IGF1: variants seen among roughly 807,000 people sequenced by gnomAD.
IGF1 encodes the protein insulin like growth factor 1.
IGF1 carries 4 observed loss-of-function variants against 13.8 expected under a neutral mutation model. The observed-to-expected ratio is 0.29, with a 90% CI of 0.14 to 0.66. The LOEUF (loss-of-function observed/expected upper bound fraction) is 0.66, where lower values mean the gene tolerates loss of function less well. Ranked by LOEUF, IGF1 falls within the 30% of genes least tolerant of loss-of-function variation. The pLI, the probability that IGF1 is intolerant of heterozygous loss-of-function variation, is 0.78. For missense variants in IGF1, 124 were observed against 188.5 expected (o/e 0.66, Z 2.00); for synonymous variants, 76 against 72.6 (o/e 1.05, Z -0.23).
At position 102,401,292 on chromosome 12, in the gene IGF1, C is replaced by T. The variant is rs1215086533; in HGVS notation, c.*1215G>A. ...AGGTCACACAGTGGTGAGTCCATGACACAGCTGGCAGATGTTCATTTCTTC... is the reference window on the plus strand; with the variant it reads ...AGGTCACACAGTGGTGAGTCCATGATACAGCTGGCAGATGTTCATTTCTTC... On this transcript the variant is annotated 3_prime_UTR_variant, in exon 4 of 4. Transcript: ENST00000337514. 3.3e-5 allele frequency: 5 copies of T among 153,200 alleles called. No homozygotes were observed. The highest frequency in any genetic ancestry group is 2.6e-4 in the Admixed American group (4 of 15,294). 9.5% of individuals were successfully genotyped at this position (153,200 alleles called of 1,614,324 possible).
chr12:102,433,039 C>T (rs1465192371), intron 2 of IGF1, among the ~76,000 whole-genome samples: 1 of 152,154 alleles, frequency 6.6e-6, no homozygotes, highest in Non-Finnish European at 1.5e-5. Flanking sequence ...TCCTAAATAA[C>T]AAAGGCTCTG....
intron 2 of IGF1, among the ~76,000 whole-genome samples, chr12:102,441,953 T>TTCTTCTTCTTCTTCTTCTTCTTTTC (rs1555244154): frequency 7.1e-6 from 1 of 140,222 alleles, no homozygotes; most frequent in Non-Finnish European, 1.6e-5. Flanking sequence ...CTTCTTCTTC[T>TTCTTCTTCTTCTTCTTCTTCTTTTC]TCTTTTTTTT....
chr12:102,480,467 G>C lies in IGF1; in HGVS notation c.-86C>G, dbSNP rs1881336077. 1.2e-6 allele frequency: 2 copies of C among 1,601,434 alleles called. No homozygotes were observed. Among genetic ancestry groups the C allele is most frequent in the South Asian group, 1.1e-5 (1 of 89,986 alleles). On this transcript the variant is annotated 5_prime_UTR_variant, in exon 1 of 4. Coordinates refer to ENST00000337514, the MANE Select transcript of IGF1 (RefSeq NM_000618.5). ...AATCCAGAGAGATGGGAGATGTTGA[G>C]AGCAATGTCACATTTCAATTTTGAG...
Position 102,455,159 on chromosome 12 carries a change from G to A in IGF1, c.220+20484C>T, listed in dbSNP as rs575004447. On this transcript the variant is annotated intron_variant, in intron 2 of 3. Transcript: ENST00000337514. ...ATTTTGACTTTTTAGAAGAACTAAG[G>A]GTTCAGGTTTCACAAGAATGATCCT... Among the ~76,000 whole-genome samples the A allele has an allele frequency of 2.6e-5, 4 of 152,186 alleles. No individual in the cohort carries two copies. In the East Asian group the frequency reaches 7.7e-4, roughly 29 times the overall value.
intron 3 of IGF1, among the ~76,000 whole-genome samples, chr12:102,415,499 G>T (rs1034427464): frequency 1.4e-5 from 2 of 143,940 alleles, no homozygotes; most frequent in African/African-American, 5.1e-5. Context: ...TAGTTTGCTA[G>T]TTAAGCATTC....
chr12:102,466,227 G>A (rs1467752309), intron 2 of IGF1, among the ~76,000 whole-genome samples: 1 of 152,148 alleles, frequency 6.6e-6, no homozygotes, highest in Non-Finnish European at 1.5e-5. Context: ...CTTGCTCCAG[G>A]CAATGGACCA....
chr12:102,435,084 T>C (rs879556781), intron 2 of IGF1, among the ~76,000 whole-genome samples: 6 of 152,246 alleles, frequency 3.9e-5, no homozygotes, highest in African/African-American at 7.2e-5. Context: ...ATTTACATTA[T>C]ATTAGATGTT....
intron 2 of IGF1, among the ~76,000 whole-genome samples, chr12:102,442,059 C>T (rs886939640): frequency 6.6e-6 from 1 of 151,546 alleles, no homozygotes; most frequent in African/African-American, 2.4e-5. Context: ...AAGAGATCCT[C>T]CCACCTCAGC....
At chr12:102,406,097 G>T (rs1043491904) in intron 3 of IGF1, among the ~76,000 whole-genome samples, 1 of 152,198 alleles carries the variant, frequency 6.6e-6, no homozygotes, top group Non-Finnish European at 1.5e-5. Context: ...ATGCACACAC[G>T]TGCACGGTGG....
At chr12:102,419,147 T>C (rs1875438019) in intron 3 of IGF1, among the ~76,000 whole-genome samples, 1 of 152,184 alleles carries the variant, frequency 6.6e-6, no homozygotes. Flanking sequence ...GTGGTAGATA[T>C]TATTATTATC....
In IGF1 at chr12:102,399,779, T is replaced by C. The variant is rs1873526657; in HGVS notation, c.*2728A>G. 1 of 152,182 alleles carries C rather than the reference T, an allele frequency of 6.6e-6. No individual in the cohort carries two copies. Among genetic ancestry groups the C allele is most frequent in the African/African-American group, 2.4e-5 (1 of 41,454 alleles). 9.4% of individuals were successfully genotyped at this position (152,182 alleles called of 1,614,324 possible). On this transcript the variant is annotated 3_prime_UTR_variant, in exon 4 of 4. Coordinates refer to ENST00000337514, the MANE Select transcript of IGF1 (RefSeq NM_000618.5). Reference sequence around the variant, plus strand: ...CTCTTAGAATTATCACATCTAACTATGACAGAAAACACGTTAAGTCTGCAG... The same window carrying C: ...CTCTTAGAATTATCACATCTAACTACGACAGAAAACACGTTAAGTCTGCAG...
chr12:102,435,600 AG>A (rs1272602199), intron 2 of IGF1, among the ~76,000 whole-genome samples: 1 of 152,182 alleles, frequency 6.6e-6, no homozygotes, highest in African/African-American at 2.4e-5. Context: ...GAAAAAACTG[AG>A]AGTTTAAGTG....
At chr12:102,466,801 G>A (rs1421437120) in intron 2 of IGF1, among the ~76,000 whole-genome samples, 1 of 152,140 alleles carries the variant, frequency 6.6e-6, no homozygotes, top group Non-Finnish European at 1.5e-5. Flanking sequence ...TACTGGGGAG[G>A]CTGAGGTGGT....
intron 2 of IGF1, chr12:102,463,602 C>G (rs564462349): frequency 6.6e-6 from 1 of 152,070 alleles, no homozygotes; most frequent in Non-Finnish European, 1.5e-5. Flanking sequence ...TGATGTTATC[C>G]GATGGATGGT....
chr12:102,411,013 A>T (rs567535426), intron 3 of IGF1, among the ~76,000 whole-genome samples: 5 of 152,308 alleles, frequency 3.3e-5, no homozygotes, highest in East Asian at 3.9e-4. Context: ...ATACAGTTTT[A>T]AAAAAATCAG....
intron 2 of IGF1, among the ~76,000 whole-genome samples, chr12:102,439,768 C>T (rs1432824397): frequency 6.6e-6 from 1 of 150,454 alleles, no homozygotes; most frequent in East Asian, 1.9e-4. Context: ...TAAGATCTAG[C>T]CCAAAAAAGA....
At position 102,399,474 on chromosome 12, in the gene IGF1, G is replaced by A. The variant is rs1200994151; in HGVS notation, c.*3033C>T. ...TAAAGTTTTGGGTTGTGACATTTTG[G>A]TTGCTCCTTTCTATGAAATCTGAGT... On this transcript the variant is annotated 3_prime_UTR_variant, in exon 4 of 4. Coordinates refer to ENST00000337514, the MANE Select transcript of IGF1 (RefSeq NM_000618.5). 1 of 152,074 alleles carries A rather than the reference G, an allele frequency of 6.6e-6. No homozygotes were observed. The highest frequency in any genetic ancestry group is 2.4e-5 in the African/African-American group (1 of 41,402). 9.4% of individuals were successfully genotyped at this position (152,074 alleles called of 1,614,324 possible).
chr12:102,458,378 T>C (rs1879602235), intron 2 of IGF1, among the ~76,000 whole-genome samples: 1 of 152,164 alleles, frequency 6.6e-6, no homozygotes. Context: ...AGTGTTTTAA[T>C]CTGGAGATCA....
intron 2 of IGF1, among the ~76,000 whole-genome samples, chr12:102,461,733 A>G (rs79675546): frequency 0.034 from 5,153 of 152,274 alleles, 120 homozygotes; most frequent in African/African-American, 0.041. Context: ...AGGTCAGGCC[A>G]TGGGGTTATC....
Sources: allele counts gnomAD v4.1 joint callset (sites outside exome capture counted in the v4.1 genomes callset), GRCh38; gene constraint gnomAD v4.1.1; transcripts MANE v1.5; gene names NCBI Gene and HGNC (gene_info 2026-07-23, HGNC 2026-07-21).